Variants in TMEM117 observed in about 807,000 individuals in gnomAD.
TMEM117 encodes transmembrane protein 117.
In TMEM117, 27 loss-of-function variants were observed where a neutral mutation model predicts 52.4. That is an observed-to-expected ratio of 0.51 (90% CI 0.38 to 0.71). The LOEUF is 0.71. Ranked by LOEUF, TMEM117 falls within the 30% of genes least tolerant of loss-of-function variation. The probability of loss-of-function intolerance (pLI) is 0.00; values close to 1 mark genes in which losing one functional copy is unlikely to be tolerated. For missense variants in TMEM117, 556 were observed against 630.5 expected, an observed-to-expected ratio of 0.88 and a Z score of 1.26; for synonymous variants, 215 against 206.3, an observed-to-expected ratio of 1.04 and a Z score of -0.36.
intron 2 of TMEM117, among the ~76,000 whole-genome samples, chr12:43,907,707 C>T (rs1944418071): frequency 1.3e-5 from 2 of 151,818 alleles, no homozygotes; most frequent in South Asian, 4.2e-4. Context: ...ATGCAGAAGC[C>T]TCTGGAGCTG....
chr12:44,040,655 A>G (rs1946782775), intron 3 of TMEM117, among the ~76,000 whole-genome samples: 1 of 152,204 alleles, frequency 6.6e-6, no homozygotes, highest in South Asian at 2.1e-4. Context: ...TTGCATTGAC[A>G]TGAACTTCCA....
intron 6 of TMEM117, among the ~76,000 whole-genome samples, chr12:44,351,007 C>T (rs983106758): frequency 1.3e-5 from 2 of 151,988 alleles, no homozygotes; most frequent in African/African-American, 4.8e-5. Flanking sequence ...CCCCTAGTCT[C>T]CACATCTTCT....
chr12:44,064,343 A>G (rs1947188405), intron 3 of TMEM117, among the ~76,000 whole-genome samples: 7 of 152,200 alleles, frequency 4.6e-5, no homozygotes, highest in Admixed American at 4.6e-4. Flanking sequence ...GTATATATGT[A>G]TTTTGTTTTT....
chr12:43,975,506 A>G (rs564368848), intron 3 of TMEM117, among the ~76,000 whole-genome samples: 29 of 152,300 alleles, frequency 1.9e-4, no homozygotes, highest in Admixed American at 8.5e-4. Flanking sequence ...AACAGAGGTT[A>G]AGTAGTTTGC....
At chr12:44,232,339 C>A (rs1949944050) in intron 5 of TMEM117, among the ~76,000 whole-genome samples, 1 of 151,454 alleles carries the variant, frequency 6.6e-6, no homozygotes, top group Non-Finnish European at 1.5e-5. Context: ...TATAGATAAA[C>A]CATTGTCCCA....
intron 5 of TMEM117, among the ~76,000 whole-genome samples, chr12:44,247,730 C>G (rs1489823055): frequency 1.3e-5 from 2 of 152,206 alleles, no homozygotes; most frequent in Admixed American, 1.3e-4. Context: ...ACCTATGCCC[C>G]AACCCCATGC....
chr12:43,795,855 T>G, the TMEM117 span: 178 of 1,182,572 alleles, frequency 1.5e-4, no homozygotes, highest in Non-Finnish European at 2.0e-4. Flanking sequence ...CCCTTTCCAG[T>G]AAGGCAGAAT....
rs749580895 is a variant in TMEM117 at position 44,388,511 on chromosome 12, A to G, written c.1384A>G (p.Asn462Asp). The G allele has an allele frequency of 6.2e-7, 1 of 1,613,600 alleles. No homozygotes were observed. Among genetic ancestry groups the G allele is most frequent in the South Asian group, 1.1e-5 (1 of 91,074 alleles). ...CCAGGCTTCAGTAGAAGACCCCTTGAATGACCCTTCTTTGGTTTGCATCAG... is the reference window on the plus strand; with the variant it reads ...CCAGGCTTCAGTAGAAGACCCCTTGGATGACCCTTCTTTGGTTTGCATCAG... ...NTQASVEDPL[N>D]DPSLVCIRSD... The change falls in exon 8 of 8, where the codon AAT becomes GAT. Residue 462 changes from asparagine (N) to aspartate (D), a missense_variant. By Grantham distance (23) the Asn-to-Asp change is conservative. This residue lies in a region of TMEM117 where 206 missense variants were observed against 211.1 expected (regional missense o/e 0.98). Coordinates refer to ENST00000266534, the MANE Select transcript of TMEM117 (RefSeq NM_032256.3).
chr12:44,065,655 A>C (rs1947211208), intron 3 of TMEM117, among the ~76,000 whole-genome samples: 1 of 152,186 alleles, frequency 6.6e-6, no homozygotes, highest in South Asian at 2.1e-4. Context: ...CATGTAAAGC[A>C]GTTGTGTTGA....
upstream of TMEM117, among the ~76,000 whole-genome samples, chr12:43,833,292 T>TTCATG (rs1942992851): frequency 1.3e-5 from 2 of 152,242 alleles, no homozygotes; most frequent in Non-Finnish European, 2.9e-5. Flanking sequence ...TTGATTTTAG[T>TTCATG]AGACACTCAT....
At position 44,373,068 on chromosome 12, in the gene TMEM117, G is replaced by A. The variant is rs183759020; in HGVS notation, c.769-3527G>A. On this transcript the variant is annotated intron_variant, in intron 6 of 7. Transcript: ENST00000266534. ...ATATAAGTATATACAGGAATATACA[G>A]CCTAGGATTATAATAGAACGTTGCA... 1.5e-3 allele frequency among the ~76,000 whole-genome samples: 224 copies of A among 152,272 alleles called. 1 individual carries two copies. Among genetic ancestry groups the A allele is most frequent in the Non-Finnish European group, 2.9e-3 (197 of 68,030 alleles).
chr12:44,224,837 A>G (rs1949839969), intron 5 of TMEM117, among the ~76,000 whole-genome samples: 1 of 152,088 alleles, frequency 6.6e-6, no homozygotes, highest in African/African-American at 2.4e-5. Flanking sequence ...AAAAATCACC[A>G]TAATTTTGCT....
chr12:44,200,616 G>A (rs1278672668), intron 4 of TMEM117, among the ~76,000 whole-genome samples: 1 of 152,102 alleles, frequency 6.6e-6, no homozygotes, highest in Non-Finnish European at 1.5e-5. Flanking sequence ...AGAAGTTTTG[G>A]CAATCAACCA....
chr12:44,115,838 AC>A (rs1315483875), intron 3 of TMEM117, among the ~76,000 whole-genome samples: 1 of 152,204 alleles, frequency 6.6e-6, no homozygotes, highest in Non-Finnish European at 1.5e-5. Flanking sequence ...TCAGGTCTTT[AC>A]AAAGCTAGCC....
chr12:44,042,624 T>C (rs142670960), intron 3 of TMEM117, among the ~76,000 whole-genome samples: 2,064 of 152,294 alleles, frequency 0.014, 49 homozygotes, highest in African/African-American at 0.047. Flanking sequence ...CTTTCTCCCA[T>C]GCTGGATGCT....
chr12:44,309,601 C>CT (rs1253545340), intron 6 of TMEM117, among the ~76,000 whole-genome samples: 1 of 152,054 alleles, frequency 6.6e-6, no homozygotes, highest in East Asian at 1.9e-4. Flanking sequence ...TCATTGAGCA[C>CT]TTAATATGTA....
intron 6 of TMEM117, among the ~76,000 whole-genome samples, chr12:44,314,933 A>G (rs1951035638): frequency 6.6e-6 from 1 of 151,994 alleles, no homozygotes; most frequent in Non-Finnish European, 1.5e-5. Flanking sequence ...CAATTTTGTA[A>G]CTGGGTATTG....
chr12:43,994,049 G>A (rs1049829583), intron 3 of TMEM117, among the ~76,000 whole-genome samples: 4 of 152,146 alleles, frequency 2.6e-5, no homozygotes, highest in Non-Finnish European at 4.4e-5. Flanking sequence ...GAATGGAGAT[G>A]TTAATGTAGA....
intron 5 of TMEM117, among the ~76,000 whole-genome samples, chr12:44,250,967 C>T (rs1592640705): frequency 6.6e-6 from 1 of 152,186 alleles, no homozygotes; most frequent in East Asian, 1.9e-4. Flanking sequence ...AACAAACCTA[C>T]ACGTTCTGCA....
Sources: allele counts gnomAD v4.1 joint callset (sites outside exome capture counted in the v4.1 genomes callset), GRCh38; gene constraint gnomAD v4.1.1; regional missense constraint gnomAD v4.1.1; transcripts MANE v1.5; gene names NCBI Gene and HGNC (gene_info 2026-07-23, HGNC 2026-07-21).